Variants in ZMAT4 observed in about 807,000 individuals in gnomAD.
ZMAT4 encodes zinc finger matrin-type 4.
A neutral mutation model predicts 28.7 loss-of-function variants in ZMAT4; 17 were observed. The ratio of observed to expected loss-of-function variants is 0.59; its 90% CI spans 0.41 to 0.89. ZMAT4 has a LOEUF of 0.89. Ranked by LOEUF, ZMAT4 falls within the 40% of genes least tolerant of loss-of-function variation. The probability of loss-of-function intolerance (pLI) is 0.00; values close to 1 mark genes in which losing one functional copy is unlikely to be tolerated. For synonymous variants in ZMAT4, 117 were observed against 109.2 expected (o/e 1.07, Z -0.44); for missense variants, 240 against 283.8 (o/e 0.85, Z 1.11).
chr8:40,679,355 T>G (rs1196349036), intron 4 of ZMAT4, among the ~76,000 whole-genome samples: 1 of 152,186 alleles, frequency 6.6e-6, no homozygotes, highest in Non-Finnish European at 1.5e-5. Context: ...GTCTCTATAT[T>G]AGTCTGTTCT....
rs148393702 is a variant in ZMAT4, at chr8:40,698,876, C to T, written c.193-1475G>A. Among the ~76,000 whole-genome samples, 436 of 151,772 alleles carry T rather than the reference C, an allele frequency of 2.9e-3. 2 individuals carry two copies. The highest frequency in any genetic ancestry group is 8.8e-3 in the African/African-American group (364 of 41,362). On this transcript the variant is annotated intron_variant, in intron 3 of 6. Coordinates refer to ENST00000297737, the MANE Select transcript of ZMAT4 (RefSeq NM_024645.3). ...GAGGTTGTCAGTGAGTGGAAGGGAC[C>T]ACTGGAGAGAGGAGGGGCTTTCCCA... is the stretch of plus-strand genomic sequence containing the variant.
intron 3 of ZMAT4, among the ~76,000 whole-genome samples, chr8:40,702,032 G>A (rs1446923298): frequency 2.0e-5 from 3 of 152,298 alleles, no homozygotes; most frequent in East Asian, 3.9e-4. Flanking sequence ...TATCAAGAGA[G>A]TGGGATTGCT....
At chr8:40,552,863 C>A (rs1362047165) in intron 6 of ZMAT4, among the ~76,000 whole-genome samples, 1 of 152,136 alleles carries the variant, frequency 6.6e-6, no homozygotes, top group Admixed American at 6.6e-5. Context: ...ACCCCACCTC[C>A]CGTCGCTGTG....
rs190786703 is a variant in ZMAT4 at position 40,801,396 on chromosome 8, G to A, written c.102+24179C>T. Among the ~76,000 whole-genome samples, 217 of 141,630 alleles carry A rather than the reference G, an allele frequency of 1.5e-3. 1 individual carries two copies. Among genetic ancestry groups the A allele is most frequent in the African/African-American group, 5.6e-3 (193 of 34,184 alleles). 92.9% of individuals were successfully genotyped at this position (141,630 alleles called of 152,430 possible). On this transcript the variant is annotated intron_variant, in intron 2 of 6. Coordinates refer to ENST00000297737, the MANE Select transcript of ZMAT4 (RefSeq NM_024645.3). The stretch of plus-strand genomic sequence containing the variant: ...TACATATATATATTCGGTGGGGTGC[G>A]GTGGCTCACGCCTGTAATCCCAGCA...
At chr8:40,726,843 A>C (rs1187024738) in intron 3 of ZMAT4, among the ~76,000 whole-genome samples, 2 of 152,054 alleles carry the variant, frequency 1.3e-5, no homozygotes, top group Admixed American at 1.3e-4. Context: ...AACTTTGCCA[A>C]CTCTCTTGGG....
rs375155082 is a variant in ZMAT4, at chr8:40,767,703, G to A, written c.130C>T (p.Leu44=). The A allele has an allele frequency of 4.1e-5, 66 of 1,612,670 alleles. No homozygotes were observed. The African/African-American group carries it at 6.9e-4, about 17-fold the overall frequency. The change falls in exon 3 of 7, where the codon CTG becomes TTG. Residue 44 remains leucine (L), a synonymous_variant. Coordinates refer to ENST00000297737, the MANE Select transcript of ZMAT4 (RefSeq NM_024645.3). ...ESRKHASKVR[L]YYMLHPRDGG... ...TCCCTGGGGTGAAGCATGTAATACA[G>A]TCGGACTTTGCTTGCATGTTTTCGA...
At chr8:40,716,132 G>T (rs1025905042) in intron 3 of ZMAT4, among the ~76,000 whole-genome samples, 3 of 152,146 alleles carry the variant, frequency 2.0e-5, no homozygotes, top group Non-Finnish European at 2.9e-5. Flanking sequence ...GGCTTTATAG[G>T]GGAAAAGATT....
intron 3 of ZMAT4, among the ~76,000 whole-genome samples, chr8:40,711,511 G>A (rs1370853252): frequency 1.3e-5 from 2 of 152,110 alleles, no homozygotes; most frequent in African/African-American, 2.4e-5. Context: ...TTCAGAGGAC[G>A]GAAAGGACAG....
intron 4 of ZMAT4, among the ~76,000 whole-genome samples, chr8:40,683,495 G>T (rs1809264816): frequency 6.6e-6 from 1 of 152,186 alleles, no homozygotes; most frequent in South Asian, 2.1e-4. Flanking sequence ...CATAACATCT[G>T]TTGGACACCA....
At chr8:40,593,471 T>C (rs746953640) in intron 5 of ZMAT4, among the ~76,000 whole-genome samples, 1 of 152,200 alleles carries the variant, frequency 6.6e-6, no homozygotes, top group African/African-American at 2.4e-5. Context: ...TCTTCCCAAA[T>C]GTTGGGGATT....
chr8:40,773,062 G>T (rs1229890039), intron 2 of ZMAT4, among the ~76,000 whole-genome samples: 1 of 152,254 alleles, frequency 6.6e-6, no homozygotes, highest in Admixed American at 6.5e-5. Context: ...AGGAGGCAGG[G>T]TCAAATGCAG....
intron 5 of ZMAT4, among the ~76,000 whole-genome samples, chr8:40,648,555 A>T (rs1262438509): frequency 4.3e-5 from 6 of 138,888 alleles, no homozygotes; most frequent in Non-Finnish European, 4.7e-5. Context: ...CAACGTTCAG[A>T]TTCAGGAAAT....
At chr8:40,891,671 C>G (rs1208211953) in intron 1 of ZMAT4, among the ~76,000 whole-genome samples, 2 of 152,116 alleles carry the variant, frequency 1.3e-5, no homozygotes, top group African/African-American at 4.8e-5. Context: ...GGAGAAAAAA[C>G]CCCTCTTCCT....
intron 5 of ZMAT4, among the ~76,000 whole-genome samples, chr8:40,608,610 G>A (rs1474793895): frequency 6.6e-6 from 1 of 152,132 alleles, no homozygotes; most frequent in Admixed American, 6.5e-5. Context: ...GAAACTTCGT[G>A]TTCAGTCAGA....
At chr8:40,890,694 G>A (rs571686083) in intron 1 of ZMAT4, among the ~76,000 whole-genome samples, 1 of 152,186 alleles carries the variant, frequency 6.6e-6, no homozygotes, top group African/African-American at 2.4e-5. Context: ...TCCTTCATGT[G>A]GCAGTGGCCC....
At chr8:40,713,158 A>G (rs931667372) in intron 3 of ZMAT4, among the ~76,000 whole-genome samples, 6 of 152,176 alleles carry the variant, frequency 3.9e-5, no homozygotes, top group Non-Finnish European at 8.8e-5. Context: ...AAAATAACAC[A>G]TTCAAATTAG....
intron 5 of ZMAT4, among the ~76,000 whole-genome samples, chr8:40,621,554 G>A (rs887433327): frequency 1.3e-5 from 2 of 152,190 alleles, no homozygotes; most frequent in African/African-American, 4.8e-5. Context: ...AGGCAAGGCT[G>A]GGAATTTCAA....
intron 3 of ZMAT4, among the ~76,000 whole-genome samples, chr8:40,699,399 G>T (rs556921436): frequency 1.3e-5 from 2 of 151,990 alleles, no homozygotes; most frequent in South Asian, 2.1e-4. Context: ...GGCTATTAGC[G>T]TAACAAAGAA....
chr8:40,583,495 T>A (rs755121310), intron 5 of ZMAT4, among the ~76,000 whole-genome samples: 4 of 152,172 alleles, frequency 2.6e-5, no homozygotes, highest in Non-Finnish European at 4.4e-5. Flanking sequence ...CTTAAAGTGA[T>A]ACCAGAGGAG....
Sources: allele counts gnomAD v4.1 joint callset (sites outside exome capture counted in the v4.1 genomes callset), GRCh38; gene constraint gnomAD v4.1.1; transcripts MANE v1.5; gene names NCBI Gene and HGNC (gene_info 2026-07-23, HGNC 2026-07-21).